SNX10: variants seen among roughly 807,000 people sequenced by gnomAD.
SNX10 encodes sorting nexin 10.
A neutral mutation model predicts 28.5 loss-of-function variants in SNX10; 25 were observed. The ratio of observed to expected loss-of-function variants is 0.88; its 90% CI spans 0.64 to 1.22. The LOEUF (loss-of-function observed/expected upper bound fraction) is 1.22. Among genes scored for constraint, SNX10 ranks in the 50% most tolerant of loss-of-function variants. SNX10 has a pLI of 0.00. For synonymous variants in SNX10, 62 were observed against 81.4 expected, an observed-to-expected ratio of 0.76 and a Z score of 1.28; for missense variants, 223 against 242.6, an observed-to-expected ratio of 0.92 and a Z score of 0.54.
At chr7:26,325,328 T>TATATATATATATATATATATATATA (rs56716262) in intron 1 of SNX10, among the ~76,000 whole-genome samples, 322 of 122,914 alleles carry the variant, frequency 2.6e-3, no homozygotes, top group Non-Finnish European at 4.3e-3. Flanking sequence ...TATATATATA[T>TATATATATATATATATATATATATA]TTGAGATGGA....
At position 26,371,972 on chromosome 7, in the gene SNX10, C is replaced by T. The variant is rs1225558018; in HGVS notation, c.463C>T (p.Arg155Cys). The change falls in exon 6 of 7, where the codon CGT (arginine) becomes TGT (cysteine). Residue 155 changes from arginine (R) to cysteine (C), a missense_variant. Transcript: ENST00000338523. The part of the protein sequence containing the change: ...AIHKFALMNR[R>C]FPEEDEEGKK... ...TCACAAGTTTGCCTTAATGAATAGA[C>T]GTTTCCCTGAAGAAGATGAAGAAGG... 21 of 1,612,750 alleles carry T rather than the reference C, an allele frequency of 1.3e-5. No homozygotes were observed. The highest frequency in any genetic ancestry group is 2.7e-5 in the African/African-American group (2 of 74,710).
chr7:26,303,003 G>C (rs151240740), intron 1 of SNX10, among the ~76,000 whole-genome samples: 86 of 152,294 alleles, frequency 5.6e-4, no homozygotes, highest in African/African-American at 2.0e-3. Flanking sequence ...AGAAATGAGA[G>C]AGAGAATGAG....
intron 5 of SNX10, among the ~76,000 whole-genome samples, chr7:26,365,705 T>A (rs1789262311): frequency 6.6e-6 from 1 of 152,130 alleles, no homozygotes; most frequent in South Asian, 2.1e-4. Context: ...GCTGCCTGAG[T>A]TCACACTACC....
At chr7:26,351,703 C>A (rs1788612710) in intron 2 of SNX10, among the ~76,000 whole-genome samples, 1 of 129,602 alleles carries the variant, frequency 7.7e-6, no homozygotes, top group South Asian at 2.8e-4. Context: ...GTCGCCCAGG[C>A]TGGAGTGCAG....
At chr7:26,311,390 A>T (rs1211839078) in intron 1 of SNX10, among the ~76,000 whole-genome samples, 3 of 152,090 alleles carry the variant, frequency 2.0e-5, no homozygotes, top group African/African-American at 7.2e-5. Context: ...GGCTCAAGCG[A>T]TTCTCCCGCC....
intron 1 of SNX10, among the ~76,000 whole-genome samples, chr7:26,319,255 AG>A (rs1315627307): frequency 6.6e-6 from 1 of 151,864 alleles, no homozygotes; most frequent in African/African-American, 2.4e-5. Flanking sequence ...CTCCTCCTTG[AG>A]GAACTCTGGT....
At position 26,371,966 on chromosome 7, in the gene SNX10, A is replaced by G; in HGVS notation, c.457A>G (p.Asn153Asp). The G allele has an allele frequency of 6.2e-7, 1 of 1,613,570 alleles. No individual in the cohort carries two copies. Among genetic ancestry groups the G allele is most frequent in the Non-Finnish European group, 8.5e-7 (1 of 1,179,576 alleles). Residue 153 changes from asparagine (N) to aspartate (D), a missense_variant, in exon 6 of 7, where the codon AAT (asparagine) becomes GAT (aspartate). By Grantham distance (23) the Asn-to-Asp change is conservative (BLOSUM62 1). Coordinates refer to ENST00000338523, the MANE Select transcript of SNX10 (RefSeq NM_013322.3). ...EEAIHKFALM[N>D]RRFPEEDEEG... is the part of the protein sequence containing the mutation. Reference sequence around the variant, plus strand: ...AGCAATTCACAAGTTTGCCTTAATGAATAGACGTTTCCCTGAAGAAGATGA... The same window carrying G: ...AGCAATTCACAAGTTTGCCTTAATGGATAGACGTTTCCCTGAAGAAGATGA...
chr7:26,305,554 C>A (rs766902452), intron 1 of SNX10, among the ~76,000 whole-genome samples: 3 of 152,208 alleles, frequency 2.0e-5, no homozygotes, highest in Admixed American at 6.5e-5. Context: ...TGGAATCTCA[C>A]AGCAAACAAC....
At chr7:26,305,929 C>CT (rs914299523) in intron 1 of SNX10, among the ~76,000 whole-genome samples, 1 of 152,190 alleles carries the variant, frequency 6.6e-6, no homozygotes, top group African/African-American at 2.4e-5. Flanking sequence ...ATCTCTCTCT[C>CT]TGTCGCCCAA....
At chr7:26,360,682 A>G in intron 2 of SNX10, 2 of 363,488 alleles carry the variant, frequency 5.5e-6, no homozygotes, top group Non-Finnish European at 8.8e-6. Flanking sequence ...ATTAAAAATT[A>G]AAAATCAGTT....
intron 1 of SNX10, among the ~76,000 whole-genome samples, chr7:26,294,789 T>G (rs1786048641): frequency 6.6e-6 from 1 of 152,218 alleles, no homozygotes; most frequent in African/African-American, 2.4e-5. Context: ...AGATAGGTAT[T>G]GTTTTTCTCC....
In SNX10 at chr7:26,372,515, T is replaced by C. The variant is rs1293723673; in HGVS notation, c.549T>C (p.Ser183=). The change falls in exon 7 of 7, where the codon AGT becomes AGC. Residue 183 remains serine, a synonymous_variant. Transcript: ENST00000338523. ...GTTCATCCTCTGGGCTTGGACACAG[T>C]AGTGATGACAGCAGTTCACATGGAT... ...SESSSSGLGH[S]SDDSSSHGCK... 8.1e-6 allele frequency: 13 copies of C among 1,609,354 alleles called. No individual in the cohort carries two copies. Among genetic ancestry groups the C allele is most frequent in the Non-Finnish European group, 1.1e-5 (13 of 1,175,868 alleles).
intron 1 of SNX10, among the ~76,000 whole-genome samples, chr7:26,328,322 A>G (rs1185808292): frequency 6.6e-6 from 1 of 152,170 alleles, no homozygotes; most frequent in Non-Finnish European, 1.5e-5. Flanking sequence ...AAAATGGGCA[A>G]CATAGAAGAT....
At chr7:26,294,447 T>C (rs550185671) in intron 1 of SNX10, among the ~76,000 whole-genome samples, 2 of 152,362 alleles carry the variant, frequency 1.3e-5, no homozygotes, top group Admixed American at 6.5e-5. Flanking sequence ...GAACTGTTAA[T>C]ACAACAGCTG....
At chr7:26,309,368 C>CAAAAA in intron 1 of SNX10, among the ~76,000 whole-genome samples, 1 of 140,308 alleles carries the variant, frequency 7.1e-6, no homozygotes, top group Non-Finnish European at 1.5e-5. Context: ...CTTAATCATC[C>CAAAAA]AAAAAAAAAA....
chr7:26,299,201 A>AT (rs796316810), intron 1 of SNX10, among the ~76,000 whole-genome samples: 147 of 147,234 alleles, frequency 1.0e-3, no homozygotes, highest in Middle Eastern at 3.6e-3. Flanking sequence ...GATTTCAGCA[A>AT]TTTTTTTTTT....
intron 1 of SNX10, among the ~76,000 whole-genome samples, chr7:26,332,070 C>T (rs1283147686): frequency 6.6e-6 from 1 of 152,202 alleles, no homozygotes; most frequent in Non-Finnish European, 1.5e-5. Context: ...TAGTCATATA[C>T]AAGTTTTTAT....
In SNX10 at chr7:26,364,395, G is replaced by C. The variant is rs375720279; in HGVS notation, c.112-140G>C. The C allele has an allele frequency of 7.2e-7, 1 of 1,396,660 alleles. No homozygotes were observed. 86.5% of individuals were successfully genotyped at this position (1,396,660 alleles called of 1,614,324 possible). A position where few individuals can be genotyped will look rare whatever the true frequency, so the allele number is the denominator to read the frequency against. On this transcript the variant is annotated intron_variant, in intron 3 of 6. Transcript: ENST00000338523. The surrounding 1 kb of genome is among the most constrained non-coding windows in gnomAD (Gnocchi z 4.9). Reference sequence around the variant, plus strand: ...CCTGGGTTATGTGCAAGATTTCAGAGTACTGGCATAAATATAAATATATGT... The same window carrying C: ...CCTGGGTTATGTGCAAGATTTCAGACTACTGGCATAAATATAAATATATGT...
chr7:26,340,521 A>G (rs192951735), intron 1 of SNX10, among the ~76,000 whole-genome samples: 569 of 152,326 alleles, frequency 3.7e-3, no homozygotes, highest in Admixed American at 9.6e-3. Context: ...AAAGTATTCC[A>G]AGGTAGAAAA....
Sources: gnomAD v4.1 joint callset for allele counts (sites outside exome capture counted in the v4.1 genomes callset) on GRCh38, gnomAD v4.1.1 for gene constraint, Gnocchi (gnomAD v3.1) non-coding constraint, MANE v1.5 for transcripts, NCBI Gene and HGNC (gene_info 2026-07-23, HGNC 2026-07-21) for gene names.